MYOZ2: variants seen among roughly 807,000 people sequenced by gnomAD.
MYOZ2 encodes myozenin-2.
A neutral mutation model predicts 25.4 loss-of-function variants in MYOZ2; 19 were observed. The ratio of observed to expected loss-of-function variants is 0.75; its 90% confidence interval spans 0.52 to 1.10. The LOEUF is 1.10. Among genes scored for constraint, MYOZ2 ranks in the 50% least tolerant of loss-of-function variants. MYOZ2 has a pLI of 0.00. For missense variants in MYOZ2, 270 were observed against 317.9 expected, an observed-to-expected ratio of 0.85 and a Z score of 1.15; for synonymous variants, 92 against 106.9, an observed-to-expected ratio of 0.86 and a Z score of 0.86.
intron 1 of MYOZ2, 68 bp from the exon 2 acceptor site, chr4:119,136,444 C>A: frequency 1.5e-6 from 2 of 1,334,734 alleles, no homozygotes; most frequent in Non-Finnish European, 2.1e-6. Flanking sequence ...TCTTTCAAAA[C>A]AGTGATTATA....
At chr4:119,158,684 T>G (rs777691740) in intron 4 of MYOZ2, among the ~76,000 whole-genome samples, 9 of 152,240 alleles carry the variant, frequency 5.9e-5, no homozygotes, top group African/African-American at 9.6e-5. Context: ...CCTGCTATAT[T>G]GAAAATTATA....
intron 4 of MYOZ2, 74 bp from the exon 5 acceptor site, chr4:119,164,137 A>G: frequency 7.2e-7 from 1 of 1,388,742 alleles, no homozygotes; most frequent in South Asian, 1.2e-5. Flanking sequence ...AAAATCAAAC[A>G]TGGTAAAATG....
At chr4:119,142,536 C>T (rs1217371030) in intron 2 of MYOZ2, among the ~76,000 whole-genome samples, 5 of 152,136 alleles carry the variant, frequency 3.3e-5, no homozygotes, top group African/African-American at 2.4e-5. Context: ...GCAAAGCTGA[C>T]GAGCAACTCC....
At chr4:119,159,436 G>A (rs952790498) in intron 4 of MYOZ2, among the ~76,000 whole-genome samples, 4 of 152,078 alleles carry the variant, frequency 2.6e-5, no homozygotes, top group African/African-American at 9.7e-5. Flanking sequence ...TTTTAAAAGA[G>A]AATCAACTCC....
Position 119,174,774 on chromosome 4 carries a change from T to C in MYOZ2, c.560+10380T>C, listed in dbSNP as rs192143877. 1.1e-3 allele frequency among the ~76,000 whole-genome samples: 165 copies of C among 152,196 alleles called. 2 individuals carry two copies. The highest frequency in any genetic ancestry group is 5.6e-3 in the South Asian group (27 of 4,812). On this transcript the variant is annotated intron_variant, in intron 5 of 5. Transcript: ENST00000307128. ...GGGTCCCCTTCCACACAGTGGAAGC[T>C]TTGTTCTTTCACTCTTTGCAATAAA...
At chr4:119,143,354 C>T (rs1433040142) in intron 2 of MYOZ2, among the ~76,000 whole-genome samples, 4 of 152,108 alleles carry the variant, frequency 2.6e-5, no homozygotes. Flanking sequence ...CACCACCACA[C>T]ATGGCTAATT....
rs34497965 is a variant in MYOZ2, at chr4:119,151,162, ATT to A, written c.246+130_246+131del. 6,085 of 869,962 alleles carry A rather than the reference ATT, an allele frequency of 7.0e-3. 181 individuals are homozygous for A. The African/African-American group carries it at 0.078, about 11-fold the overall frequency. The allele number at this position is 869,962 out of a possible 1,614,324, so 53.9% of individuals were successfully genotyped here. A position where few individuals can be genotyped will look rare whatever the true frequency, so the allele number is the denominator to read the frequency against. The stretch of plus-strand genomic sequence containing the variant: ...TTCTTTCAATTTATTCTGTTAGGCT[ATT>A]TTTTTTTTATCATAATGAATAGTTT... On this transcript the variant is annotated intron_variant, in intron 3 of 5. Coordinates refer to ENST00000307128, the MANE Select transcript of MYOZ2 (RefSeq NM_016599.5).
chr4:119,142,542 A>G (rs759692134), intron 2 of MYOZ2, among the ~76,000 whole-genome samples: 3 of 151,766 alleles, frequency 2.0e-5, no homozygotes, highest in South Asian at 2.1e-4. Flanking sequence ...CTGACGAGCA[A>G]CTCCCGGGAA....
intron 2 of MYOZ2, among the ~76,000 whole-genome samples, chr4:119,138,919 A>G (rs1166225174): frequency 6.6e-6 from 1 of 152,174 alleles, no homozygotes; most frequent in Non-Finnish European, 1.5e-5. Flanking sequence ...CTAGAAAAAT[A>G]TAAGAACCAG....
At chr4:119,149,638 T>C (rs1741402725) in intron 2 of MYOZ2, among the ~76,000 whole-genome samples, 1 of 152,136 alleles carries the variant, frequency 6.6e-6, no homozygotes, top group African/African-American at 2.4e-5. Flanking sequence ...GGTCCTGGGG[T>C]CCCTAGCTTG....
At chr4:119,173,909 A>C (rs997414296) in intron 5 of MYOZ2, among the ~76,000 whole-genome samples, 38 of 152,158 alleles carry the variant, frequency 2.5e-4, no homozygotes, top group African/African-American at 8.0e-4. Flanking sequence ...GGCCCGGGGC[A>C]ATGAGGGACT....
At chr4:119,170,726 G>A (rs903579624) in intron 5 of MYOZ2, among the ~76,000 whole-genome samples, 5 of 152,078 alleles carry the variant, frequency 3.3e-5, no homozygotes, top group Admixed American at 6.6e-5. Flanking sequence ...TGTATGGTTG[G>A]AGCCTCAGAA....
Position 119,186,514 on chromosome 4 carries a change from T to C in MYOZ2, c.*314T>C. ...AGTTTCACCTTTGTCTCATTTTATATGATTTATTACAGTGTAAGTTTTTCA... is the reference window on the plus strand; with the variant it reads ...AGTTTCACCTTTGTCTCATTTTATACGATTTATTACAGTGTAAGTTTTTCA... On this transcript the variant is annotated 3_prime_UTR_variant, in exon 6 of 6. Transcript: ENST00000307128. The C allele has an allele frequency of 2.9e-6, 1 of 340,932 alleles. No homozygotes were observed. Among genetic ancestry groups the C allele is most frequent in the Non-Finnish European group, 5.5e-6 (1 of 183,280 alleles). The allele number at this position is 340,932 out of a possible 1,614,324, so 21.1% of individuals were successfully genotyped here. A position where few individuals can be genotyped will look rare whatever the true frequency, so the allele number is the denominator to read the frequency against.
chr4:119,159,392 A>G (rs1319484696), intron 4 of MYOZ2, among the ~76,000 whole-genome samples: 3 of 152,214 alleles, frequency 2.0e-5, no homozygotes, highest in Non-Finnish European at 4.4e-5. Flanking sequence ...AGGACTTTCA[A>G]TGCAGCTCCT....
intron 5 of MYOZ2, among the ~76,000 whole-genome samples, chr4:119,184,554 C>T (rs1242951499): frequency 6.6e-6 from 1 of 152,152 alleles, no homozygotes; most frequent in Non-Finnish European, 1.5e-5. Context: ...TTATAACACC[C>T]TATTTTAACT....
intron 5 of MYOZ2, among the ~76,000 whole-genome samples, chr4:119,169,035 A>C (rs957513041): frequency 6.6e-6 from 1 of 152,234 alleles, no homozygotes; most frequent in Non-Finnish European, 1.5e-5. Flanking sequence ...AATCAATCCA[A>C]CATTCAGCAA....
chr4:119,167,096 G>A (rs548606980), intron 5 of MYOZ2, among the ~76,000 whole-genome samples: 1 of 152,312 alleles, frequency 6.6e-6, no homozygotes, highest in African/African-American at 2.4e-5. Context: ...AGACAGTGAG[G>A]AAGACATGTC....
chr4:119,162,531 G>T (rs187873126), intron 4 of MYOZ2, among the ~76,000 whole-genome samples: 32 of 152,328 alleles, frequency 2.1e-4, no homozygotes, highest in Non-Finnish European at 4.1e-4. Flanking sequence ...AATGTAAAGA[G>T]AATTTTTTAG....
chr4:119,182,035 A>G (rs961908328), intron 5 of MYOZ2, among the ~76,000 whole-genome samples: 6 of 152,046 alleles, frequency 3.9e-5, no homozygotes, highest in Admixed American at 1.3e-4. Context: ...ACCTAACCTA[A>G]TACAGTATTC....
Sources: gnomAD v4.1 joint callset for allele counts (sites outside exome capture counted in the v4.1 genomes callset) on GRCh38, gnomAD v4.1.1 for gene constraint, MANE v1.5 for transcripts, NCBI Gene and HGNC (gene_info 2026-07-23, HGNC 2026-07-21) for gene names.